ARAP3: variants seen among roughly 807,000 people sequenced by gnomAD.
ARAP3 encodes ArfGAP with RhoGAP domain, ankyrin repeat and PH domain 3.
A neutral mutation model predicts 169.2 loss-of-function variants in ARAP3; 82 were observed. The ratio of observed to expected loss-of-function variants is 0.48; its 90% CI spans 0.41 to 0.58. The LOEUF is 0.58. ARAP3 is among the 20% of genes least tolerant of loss of function. ARAP3 has a pLI of 0.00. For missense variants in ARAP3, 1,764 were observed against 2,018.0 expected (o/e 0.87, Z 2.41); for synonymous variants, 791 against 800.3 (o/e 0.99, Z 0.20).
rs184163620 is a variant in ARAP3, at chr5:141,659,830, G to T, written c.3216C>A (p.His1072Gln). The T allele has an allele frequency of 1.2e-6, 2 of 1,611,280 alleles. No individual in the cohort carries two copies. The highest frequency in any genetic ancestry group is 4.5e-5 in the East Asian group (2 of 44,780). ...SVFQTDGRGE[H>Q]EVRVLQELID... ...TGAGCTCTTGCAGCACTCGCACCTC[G>T]TGCTCCCCTCGCCCATCCGTCTGGA... The change falls in exon 22 of 33, where the codon CAC becomes CAA. Residue 1072 changes from histidine (H) to glutamine (Q), a missense_variant. His to Gln is a conservative substitution (Grantham distance 24). Transcript: ENST00000239440.
At chr5:141,663,756 A>G (rs58699617) in intron 19 of ARAP3, among the ~76,000 whole-genome samples, 14,523 of 152,304 alleles carry the variant, frequency 0.095, 1,644 homozygotes, top group African/African-American at 0.28. Context: ...TCCATGTCCC[A>G]TGACTAGTAA....
At position 141,673,940 on chromosome 5, in the gene ARAP3, CTTT is replaced by C; in HGVS notation, c.699-135_699-133del. ...CAGGTACTGGATCTGATTTTCTTTT[CTTT>C]TTCTTTTCTTTTCTTCTTTTTTTTT... On this transcript the variant is annotated intron_variant, in intron 4 of 32. Transcript: ENST00000239440. 1.1e-5 allele frequency: 6 copies of C among 550,362 alleles called. No individual in the cohort carries two copies. The South Asian group carries it at 1.7e-4, about 15-fold the overall frequency. The allele number at this position is 550,362 out of a possible 1,614,324, so 34.1% of individuals were successfully genotyped here.
At chr5:141,656,914 G>T in intron 25 of ARAP3, 68 bp from the exon 26 acceptor site, 2 of 1,530,874 alleles carry the variant, frequency 1.3e-6, no homozygotes, top group Admixed American at 2.0e-5. Context: ...GCTCTCACCA[G>T]TCATTCATTC....
chr5:141,680,526 G>A (rs1354676614), intron 1 of ARAP3, 23 bp from the exon 2 acceptor site: 2 of 1,548,206 alleles, frequency 1.3e-6, no homozygotes, highest in East Asian at 2.3e-5. Flanking sequence ...GCAGGGTGAA[G>A]GGAGGGCTCA....
At chr5:141,674,540 G>C (rs2099911896) in intron 4 of ARAP3, among the ~76,000 whole-genome samples, 2 of 152,208 alleles carry the variant, frequency 1.3e-5, no homozygotes, top group Non-Finnish European at 2.9e-5. Flanking sequence ...TTACAGGTGT[G>C]AGCCACTGTG....
chr5:141,674,248 C>T (rs1328721473), intron 4 of ARAP3, among the ~76,000 whole-genome samples: 1 of 152,074 alleles, frequency 6.6e-6, no homozygotes, highest in Non-Finnish European at 1.5e-5. Context: ...CAGGCGTGAG[C>T]CATCACGCCC....
At chr5:141,677,950 A>AT (rs35622634) in intron 4 of ARAP3, among the ~76,000 whole-genome samples, 44,342 of 129,598 alleles carry the variant, frequency 0.34, 7,622 homozygotes, top group Middle Eastern at 0.43. Flanking sequence ...ACCCCCAGCT[A>AT]TTTTTTTTTT....
At position 141,680,298 on chromosome 5, in the gene ARAP3, C is replaced by T. The variant is rs1299250731; in HGVS notation, c.189G>A (p.Gln63=). ...CCAGGGAGCCCTCTTCGGTGCCTGTCTGTAGCAGGCGTAGAATGCGTTTCC... is the reference window on the plus strand; with the variant it reads ...CCAGGGAGCCCTCTTCGGTGCCTGTTTGTAGCAGGCGTAGAATGCGTTTCC... ...GHRKRILRLL[Q]TGTEEGSLDP... The change falls in exon 2 of 33, where the codon CAG becomes CAA. Residue 63 remains glutamine, a synonymous_variant. Transcript: ENST00000239440. The T allele has an allele frequency of 6.2e-7, 1 of 1,614,220 alleles. No homozygotes were observed. The highest frequency in any genetic ancestry group is 1.1e-5 in the South Asian group (1 of 91,088).
At chr5:141,665,187 CA>C (rs1180742148) in intron 18 of ARAP3, 102 bp from the exon 19 acceptor site, 5 of 1,561,690 alleles carry the variant, frequency 3.2e-6, no homozygotes. Context: ...ACACCCAACC[CA>C]AATCATCCTG....
intron 28 of ARAP3, 31 bp from the exon 29 acceptor site, chr5:141,656,130 CAGAA>C: frequency 6.2e-7 from 1 of 1,614,048 alleles, no homozygotes; most frequent in Non-Finnish European, 8.5e-7. Context: ...ATGGGGCAGT[CAGAA>C]AGGGCAGGGG....
intron 4 of ARAP3, among the ~76,000 whole-genome samples, chr5:141,679,322 A>C (rs749862688): frequency 3.0e-4 from 46 of 152,130 alleles, no homozygotes; most frequent in Non-Finnish European, 6.2e-4. Context: ...CACTTCTCCC[A>C]ATTTTCCATT....
At position 141,673,305 on chromosome 5, in the gene ARAP3, C is replaced by A. The variant is rs537182603; in HGVS notation, c.972+96G>T. 4.4e-3 allele frequency: 6,959 copies of A among 1,566,126 alleles called. 24 individuals are homozygous for A. The highest frequency in any genetic ancestry group is 5.1e-3 in the Non-Finnish European group (5,867 of 1,143,430). On this transcript the variant is annotated intron_variant, in intron 6 of 32. Transcript: ENST00000239440. The stretch of plus-strand genomic sequence containing the variant: ...ATCAGTCATGCAGTCACTGCCCCGC[C>A]CACACACACAATGGACTTCCCTCCT...
chr5:141,666,357 A>G (rs2154598932), intron 17 of ARAP3, 67 bp downstream of exon 17: 1 of 1,342,280 alleles, frequency 7.5e-7, no homozygotes, highest in East Asian at 2.8e-5. Context: ...CCCAAATAAT[A>G]AAGGTCTGCT....
chr5:141,673,856 G>A (rs777713132), intron 4 of ARAP3, 48 bp from the exon 5 acceptor site: 60 of 1,581,096 alleles, frequency 3.8e-5, no homozygotes, highest in African/African-American at 8.1e-5. Flanking sequence ...CAAGTACCCC[G>A]GACACCCTCT....
chr5:141,664,813 T>A (rs1657418384), intron 19 of ARAP3, 109 bp downstream of exon 19: 6 of 1,305,618 alleles, frequency 4.6e-6, no homozygotes, highest in Non-Finnish European at 6.3e-6. Flanking sequence ...GAGGCAAAGC[T>A]CTTCCAGGCT....
intron 32 of ARAP3, among the ~76,000 whole-genome samples, chr5:141,654,731 C>T (rs1360678221): frequency 3.3e-5 from 5 of 151,044 alleles, no homozygotes; most frequent in Admixed American, 6.6e-5. Context: ...GATTCTGTGA[C>T]AACTTTTTCC....
At chr5:141,677,942 C>T (rs948895162) in intron 4 of ARAP3, among the ~76,000 whole-genome samples, 13 of 143,994 alleles carry the variant, frequency 9.0e-5, no homozygotes, top group Non-Finnish European at 1.5e-4. Flanking sequence ...GCGCCACCAC[C>T]CCCAGCTATT....
In ARAP3 at chr5:141,656,580, C is replaced by T. The variant is rs770648102; in HGVS notation, c.3713G>A (p.Arg1238His). 1.9e-5 allele frequency: 30 copies of T among 1,612,710 alleles called. No individual in the cohort carries two copies. The Admixed American group carries it at 2.2e-4, about 12-fold the overall frequency. ...CTCCTGGAAGCGGCTTCCCAGCAAG[C>T]GAGGTGGCTCCTCACGACACCGCAA... ...GLLRCREEPP[R>H]LLGSRFQERF... is the part of the protein sequence containing the mutation. The change falls in exon 27 of 33, where the codon CGC becomes CAC. Residue 1238 changes from arginine (R) to histidine (H), a missense_variant. Around this residue, in one of 3 missense-constraint regions of ARAP3, gnomAD observed 1,112 missense variants for 1,285.7 expected, o/e 0.86. Coordinates refer to ENST00000239440, the MANE Select transcript of ARAP3 (RefSeq NM_022481.6).
intron 17 of ARAP3, among the ~76,000 whole-genome samples, chr5:141,666,118 G>C (rs4912766): frequency 6.6e-6 from 1 of 151,518 alleles, no homozygotes; most frequent in African/African-American, 2.4e-5. Context: ...CAGGCTCTGC[G>C]ATACATGTTT....
Sources: allele counts gnomAD v4.1 joint callset (sites outside exome capture counted in the v4.1 genomes callset), GRCh38; gene constraint gnomAD v4.1.1; regional missense constraint gnomAD v4.1.1; transcripts MANE v1.5; gene names NCBI Gene and HGNC (gene_info 2026-07-23, HGNC 2026-07-21).